Variants in PTPRK observed in about 807,000 individuals in gnomAD.
The protein encoded by PTPRK is receptor-type tyrosine-protein phosphatase kappa.
Under a neutral mutation model 178.0 loss-of-function variants are expected in PTPRK, and 75 were observed. That is an observed-to-expected ratio of 0.42 (90% CI 0.35 to 0.51). The LOEUF (loss-of-function observed/expected upper bound fraction) is 0.51, where lower values mean the gene tolerates loss of function less well. PTPRK is among the 20% of genes least tolerant of loss of function. The probability of loss-of-function intolerance (pLI) is 0.02; values close to 1 mark genes in which losing one functional copy is unlikely to be tolerated. For missense variants in PTPRK, 1,441 were observed against 1,797.8 expected (o/e 0.80, Z 3.59); for synonymous variants, 637 against 620.6 (o/e 1.03, Z -0.39).
chr6:128,108,877 G>A (rs757614793), intron 7 of PTPRK, among the ~76,000 whole-genome samples: 3 of 152,090 alleles, frequency 2.0e-5, no homozygotes, highest in Admixed American at 1.3e-4. Context: ...CAGAGAATGA[G>A]CTAGTTCACA....
At position 128,455,643 on chromosome 6, in the gene PTPRK, C is replaced by G. The variant is rs959565952; in HGVS notation, c.101-57955G>C. Reference sequence around the variant, plus strand: ...CAAGTTAGTGCCCATTTCTCTACCTCTCCTTCCCTCTTGTTTTAATAGGGA... The same window carrying G: ...CAAGTTAGTGCCCATTTCTCTACCTGTCCTTCCCTCTTGTTTTAATAGGGA... On this transcript the variant is annotated intron_variant, in intron 1 of 29. Transcript: ENST00000368226. Among the ~76,000 whole-genome samples the G allele has an allele frequency of 2.6e-5, 4 of 152,228 alleles. No individual in the cohort carries two copies. In the South Asian group the frequency reaches 8.3e-4, roughly 32 times the overall value.
At chr6:128,304,439 G>C (rs1826080863) in intron 3 of PTPRK, among the ~76,000 whole-genome samples, 2 of 152,124 alleles carry the variant, frequency 1.3e-5, no homozygotes, top group South Asian at 4.2e-4. Flanking sequence ...CCCTTTGGTT[G>C]GACTTTAAGA....
intron 7 of PTPRK, among the ~76,000 whole-genome samples, chr6:128,134,481 G>A (rs190973225): frequency 6.6e-6 from 1 of 152,258 alleles, no homozygotes; most frequent in East Asian, 1.9e-4. Flanking sequence ...ATTAGACTGG[G>A]TGTGCAGTGA....
intron 2 of PTPRK, among the ~76,000 whole-genome samples, chr6:128,389,107 TG>T (rs1839182330): frequency 6.6e-6 from 1 of 152,124 alleles, no homozygotes; most frequent in Non-Finnish European, 1.5e-5. Flanking sequence ...ATTTCTAAGT[TG>T]TCATATGCTC....
chr6:128,348,504 T>G (rs574640329), intron 2 of PTPRK, among the ~76,000 whole-genome samples: 1 of 150,976 alleles, frequency 6.6e-6, no homozygotes, highest in South Asian at 2.1e-4. Context: ...AAAACTATGT[T>G]TATTGTATTT....
intron 7 of PTPRK, among the ~76,000 whole-genome samples, chr6:128,135,830 TA>T (rs555472713): frequency 6.2e-5 from 9 of 146,016 alleles, no homozygotes; most frequent in South Asian, 2.2e-4. Context: ...ACTCAAAAAA[TA>T]AAAAAAAATA....
chr6:128,127,250 A>AG (rs1793531268), intron 7 of PTPRK, among the ~76,000 whole-genome samples: 1 of 152,178 alleles, frequency 6.6e-6, no homozygotes, highest in Non-Finnish European at 1.5e-5. Flanking sequence ...TTCCTTCTTC[A>AG]GTACGACTAT....
At chr6:127,985,991 G>A (rs1039936776) in intron 21 of PTPRK, 116 bp from the exon 22 acceptor site, 107 of 962,756 alleles carry the variant, frequency 1.1e-4, no homozygotes, top group Middle Eastern at 1.1e-3. Flanking sequence ...AAACCTTTAC[G>A]AAAGACTATG....
intron 1 of PTPRK, among the ~76,000 whole-genome samples, chr6:128,480,482 G>T (rs117498180): frequency 6.6e-6 from 1 of 151,808 alleles, no homozygotes; most frequent in Non-Finnish European, 1.5e-5. Context: ...CCATATCTCC[G>T]TGCTCTATCC....
intron 3 of PTPRK, among the ~76,000 whole-genome samples, chr6:128,297,821 G>T (rs1430556958): frequency 1.3e-5 from 2 of 152,000 alleles, no homozygotes; most frequent in African/African-American, 4.8e-5. Flanking sequence ...AAGAACTAGA[G>T]AAGCAAGAGC....
intron 1 of PTPRK, among the ~76,000 whole-genome samples, chr6:128,448,591 G>A (rs1323736883): frequency 2.0e-5 from 3 of 152,132 alleles, no homozygotes; most frequent in Non-Finnish European, 4.4e-5. Context: ...TATGCACAAG[G>A]CTTTGTATTA....
intron 2 of PTPRK, among the ~76,000 whole-genome samples, chr6:128,395,863 A>G (rs543779104): frequency 1.3e-5 from 2 of 152,194 alleles, no homozygotes; most frequent in Non-Finnish European, 2.9e-5. Flanking sequence ...ACGGAGAGTG[A>G]CAATTCAGAG....
At chr6:128,478,442 C>T (rs1851647404) in intron 1 of PTPRK, among the ~76,000 whole-genome samples, 1 of 152,120 alleles carries the variant, frequency 6.6e-6, no homozygotes, top group Admixed American at 6.6e-5. Context: ...TTGGTCTTCT[C>T]TCCACACTGG....
chr6:128,449,941 C>G (rs1346058869), intron 1 of PTPRK, among the ~76,000 whole-genome samples: 1 of 128,310 alleles, frequency 7.8e-6, no homozygotes, highest in Non-Finnish European at 1.6e-5. Flanking sequence ...ACTAAAAATG[C>G]AAAAAAAAAA....
chr6:128,291,737 C>A (rs1823415468), intron 3 of PTPRK, among the ~76,000 whole-genome samples: 1 of 152,118 alleles, frequency 6.6e-6, no homozygotes, highest in African/African-American at 2.4e-5. Flanking sequence ...CTTGCATATG[C>A]AAACTTATGT....
At chr6:128,147,497 T>A (rs1003095191) in intron 7 of PTPRK, among the ~76,000 whole-genome samples, 1 of 152,182 alleles carries the variant, frequency 6.6e-6, no homozygotes, top group African/African-American at 2.4e-5. Flanking sequence ...ATTTATACAT[T>A]TTTTACCCTT....
chr6:128,008,637 C>A (rs1013029217), intron 14 of PTPRK, among the ~76,000 whole-genome samples: 3 of 151,094 alleles, frequency 2.0e-5, no homozygotes, highest in South Asian at 4.2e-4. Context: ...ACAATTTACT[C>A]TCTATTTTAA....
intron 1 of PTPRK, among the ~76,000 whole-genome samples, chr6:128,506,101 T>A (rs935181854): frequency 6.6e-6 from 1 of 152,264 alleles, no homozygotes; most frequent in African/African-American, 2.4e-5. Flanking sequence ...GAAGCAATAG[T>A]GATATTCCTT....
rs75893369 is a variant in PTPRK at position 128,143,060 on chromosome 6, T to C, written c.1162+41372A>G. On this transcript the variant is annotated intron_variant, in intron 7 of 29. Transcript: ENST00000368226. ...ATTCAACAGTTTGTCTAAAATTGAT[T>C]GGTCCTGAAACTTATAACACTTCTC... 3.0e-3 allele frequency among the ~76,000 whole-genome samples: 457 copies of C among 152,294 alleles called. 3 individuals are homozygous for C. The highest frequency in any genetic ancestry group is 0.011 in the African/African-American group (438 of 41,588).
Sources: allele counts gnomAD v4.1 joint callset (sites outside exome capture counted in the v4.1 genomes callset), GRCh38; gene constraint gnomAD v4.1.1; transcripts MANE v1.5; gene names NCBI Gene and HGNC (gene_info 2026-07-23, HGNC 2026-07-21).